POMC: variants seen among roughly 807,000 people sequenced by gnomAD.
POMC encodes pro-opiomelanocortin.
POMC carries 19 observed loss-of-function variants against 18.5 expected under a neutral mutation model. That is an observed-to-expected ratio of 1.03 (90% CI 0.72 to 1.51). The LOEUF is 1.51. Among genes scored for constraint, POMC ranks in the 40% most tolerant of loss-of-function variants. The pLI, the probability that POMC is intolerant of heterozygous loss-of-function variation, is 0.00. For synonymous variants in POMC, 179 were observed against 161.9 expected (o/e 1.11, Z -0.80); for missense variants, 451 against 379.0 (o/e 1.19, Z -1.58).
rs1671340592 is a variant in POMC, at chr2:25,161,201, C to T, written c.684G>A (p.Trp228Ter). The stretch of plus-strand genomic sequence containing the variant: ...AGCGCTTGTCCTTGGGCGGGCTGCC[C>T]CAGCGGAAGTGCTCCATCCTGTAGG... ...EGPYRMEHFRWGSPPKDKRYG... is the reference protein window; with the variant it reads ...EGPYRMEHFR Residue 228 changes from tryptophan (W) to a stop codon, truncating the protein, a stop_gained, in exon 3 of 3, where the codon TGG becomes TGA. Transcript: ENST00000395826. LOFTEE classifies it high-confidence loss of function. The surrounding 1 kb of genome is among the most constrained non-coding windows in gnomAD (Gnocchi z 5.7). 1.2e-6 allele frequency: 2 copies of T among 1,613,592 alleles called. No individual in the cohort carries two copies. The highest frequency in any genetic ancestry group is 1.3e-5 in the African/African-American group (1 of 74,938).
Position 25,161,265 on chromosome 2 carries a change from T to A in POMC, c.620A>T (p.His207Leu). 6.2e-7 allele frequency: 1 copy of A among 1,611,930 alleles called. No homozygotes were observed. The highest frequency in any genetic ancestry group is 8.5e-7 in the Non-Finnish European group (1 of 1,179,120). The change falls in exon 3 of 3, where the codon CAC becomes CTC. Residue 207 changes from histidine (H) to leucine (L), a missense_variant. Transcript: ENST00000395826. This position sits in a 1 kb window ranked among gnomAD's most constrained non-coding sequence, Gnocchi z 5.7. The part of the protein sequence containing the change: ...DGAGAQADLE[H>L]SLLVAAEKKD... Reference sequence around the variant, plus strand: ...CTTCTCGGCCGCCACCAGCAGGCTGTGCTCCAGGTCGGCCTGGGCCCCTGC... The same window carrying A: ...CTTCTCGGCCGCCACCAGCAGGCTGAGCTCCAGGTCGGCCTGGGCCCCTGC...
chr2:25,165,831 A>G (rs1267140279), intron 1 of POMC: 1 of 149,552 alleles, frequency 6.7e-6, no homozygotes, highest in African/African-American at 2.4e-5. Context: ...CCCTGAAGCC[A>G]CCTCGAGGCC....
Position 25,161,164 on chromosome 2 carries a change from T to TGAAACC in POMC, c.715_720dup (p.Gly239_Phe240dup). ...GGCGTCTGGCTCTTCTCGGAGGTCATGAAACCGCCGTAGCGCTTGTCCTTG... is the reference window on the plus strand; with the variant it reads ...GGCGTCTGGCTCTTCTCGGAGGTCATGAAACCGAAACCGCCGTAGCGCTTGTCCTTG... On this transcript the variant is annotated inframe_insertion, in exon 3 of 3. Transcript: ENST00000395826. The surrounding 1 kb of genome is among the most constrained non-coding windows in gnomAD (Gnocchi z 5.7). 6.2e-7 allele frequency: 1 copy of TGAAACC among 1,613,872 alleles called. No homozygotes were observed. Among genetic ancestry groups the TGAAACC allele is most frequent in the Non-Finnish European group, 8.5e-7 (1 of 1,179,976 alleles).
Position 25,161,643 on chromosome 2 carries a change from T to A in POMC, c.242A>T (p.His81Leu). Reference sequence around the variant, plus strand: ...GCGGCCGAATCGGTCCCAGCGGAAGTGGCCCATGACGTACTTCCGGGGGTT... The same window carrying A: ...GCGGCCGAATCGGTCCCAGCGGAAGAGGCCCATGACGTACTTCCGGGGGTT... ...TENPRKYVMGHFRWDRFGRRN... is the reference protein window; with the variant it reads ...TENPRKYVMGLFRWDRFGRRN... The change falls in exon 3 of 3, where the codon CAC becomes CTC. Residue 81 changes from histidine (H) to leucine (L), a missense_variant. Physicochemically the swap from His to Leu is moderately conservative, Grantham distance 99. Transcript: ENST00000395826. This position sits in a 1 kb window ranked among gnomAD's most constrained non-coding sequence, Gnocchi z 5.7. 6.4e-7 allele frequency: 1 copy of A among 1,553,930 alleles called. No homozygotes were observed. Among genetic ancestry groups the A allele is most frequent in the Non-Finnish European group, 8.7e-7 (1 of 1,149,584 alleles).
rs367601110 is a variant in POMC at position 25,163,043 on chromosome 2, C to T, written c.133-1291G>A. Reference sequence around the variant, plus strand: ...TAGCTTAGGAAAATGGCTGCATAGGCTGCAGCCTTGAGTTTTCAGTGATAA... The same window carrying T: ...TAGCTTAGGAAAATGGCTGCATAGGTTGCAGCCTTGAGTTTTCAGTGATAA... On this transcript the variant is annotated intron_variant, in intron 2 of 2. Coordinates refer to ENST00000395826, the MANE Select transcript of POMC (RefSeq NM_000939.4). Among the ~76,000 whole-genome samples, 12 of 152,342 alleles carry T rather than the reference C, an allele frequency of 7.9e-5. No homozygotes were observed. The South Asian group carries it at 2.5e-3, about 32-fold the overall frequency.
At chr2:25,164,539 C>T (rs1671489066) in intron 2 of POMC, 102 bp downstream of exon 2, 1 of 1,566,528 alleles carries the variant, frequency 6.4e-7, no homozygotes. Context: ...ACGCCTATCA[C>T]TGGGAATGAA....
chr2:25,168,278 C>G lies in POMC; in HGVS notation c.-21+220G>C, dbSNP rs2149224349. 6.6e-6 allele frequency among the ~76,000 whole-genome samples: 1 copy of G among 152,322 alleles called. No individual in the cohort carries two copies. Among genetic ancestry groups the G allele is most frequent in the East Asian group, 1.9e-4 (1 of 5,182 alleles). Reference sequence around the variant, plus strand: ...TCCCTGGAGACAGCGCCTGCAGCTTCGCGGCCGTCCGCCCAGGGGCCGGAC... The same window carrying G: ...TCCCTGGAGACAGCGCCTGCAGCTTGGCGGCCGTCCGCCCAGGGGCCGGAC... On this transcript the variant is annotated intron_variant, in intron 1 of 2. Transcript: ENST00000395826. The surrounding 1 kb of genome is among the most constrained non-coding windows in gnomAD (Gnocchi z 5.2).
intron 1 of POMC, among the ~76,000 whole-genome samples, chr2:25,166,846 C>T (rs190303609): frequency 2.0e-3 from 305 of 152,258 alleles, no homozygotes; most frequent in African/African-American, 5.4e-3. Context: ...TGTGTATTTG[C>T]TTATGTGTAT....
In POMC at chr2:25,161,423, C is replaced by T; in HGVS notation, c.462G>A (p.Arg154=). Residue 154 remains arginine, a synonymous_variant, in exon 3 of 3, where the codon CGG becomes CGA. Transcript: ENST00000395826. The surrounding 1 kb of genome is among the most constrained non-coding windows in gnomAD (Gnocchi z 5.7). ...CGTTAGGGTACACCTTCACTGGGCG[C>T]CGCTTCTTGCCCACCGGCTTGCCCC... ...FRWGKPVGKK[R]RPVKVYPNGA... 2 of 1,609,464 alleles carry T rather than the reference C, an allele frequency of 1.2e-6. No homozygotes were observed. Among genetic ancestry groups the T allele is most frequent in the Non-Finnish European group, 1.7e-6 (2 of 1,178,800 alleles).
rs1395733145 is a variant in POMC, at chr2:25,161,559, G to C, written c.326C>G (p.Ala109Gly). Residue 109 changes from alanine to glycine, a missense_variant, in exon 3 of 3, where the codon GCG becomes GGG. Ala to Gly is a moderately conservative substitution (Grantham distance 60). Coordinates refer to ENST00000395826, the MANE Select transcript of POMC (RefSeq NM_000939.4). This position sits in a 1 kb window ranked among gnomAD's most constrained non-coding sequence, Gnocchi z 5.7. Reference sequence around the variant, plus strand: ...AGGCAGCGGGCCGCAGTCTTCGCCCGCTGAGACGTCCTCGCGCTTCTGCCC... The same window carrying C: ...AGGCAGCGGGCCGCAGTCTTCGCCCCCTGAGACGTCCTCGCGCTTCTGCCC... Reference protein sequence around the residue: ...GAGQKREDVSAGEDCGPLPEG... With the variant: ...GAGQKREDVSGGEDCGPLPEG... The C allele has an allele frequency of 1.3e-6, 2 of 1,571,342 alleles. No homozygotes were observed. The highest frequency in any genetic ancestry group is 1.7e-6 in the Non-Finnish European group (2 of 1,158,648).
In POMC at chr2:25,160,933, G is replaced by A; in HGVS notation, c.*148C>T. 1.5e-6 allele frequency: 2 copies of A among 1,294,578 alleles called. No individual in the cohort carries two copies. The highest frequency in any genetic ancestry group is 1.0e-6 in the Non-Finnish European group (1 of 959,556). The allele number at this position is 1,294,578 out of a possible 1,614,324, so 80.2% of individuals were successfully genotyped here. ...TCAGAGGTGGATGTGAAATTTGAAA[G>A]GTTTTATTTCCTAACTACAGGCAGC... On this transcript the variant is annotated 3_prime_UTR_variant, in exon 3 of 3. Coordinates refer to ENST00000395826, the MANE Select transcript of POMC (RefSeq NM_000939.4).
rs1671383722 is a variant in POMC at position 25,161,621 on chromosome 2, G to A, written c.264C>T (p.Gly88=). ...TGCCGCTGCTGCTGCTGTTGCGGCG[G>A]CCGAATCGGTCCCAGCGGAAGTGGC... ...VMGHFRWDRF[G]RRNSSSSGSS... is the part of the protein sequence containing the mutation. Residue 88 remains glycine (G), a synonymous_variant, in exon 3 of 3, where the codon GGC becomes GGT. Transcript: ENST00000395826. The surrounding 1 kb of genome is among the most constrained non-coding windows in gnomAD (Gnocchi z 5.7). The A allele has an allele frequency of 1.3e-6, 2 of 1,553,574 alleles. No homozygotes were observed. The highest frequency in any genetic ancestry group is 2.4e-5 in the East Asian group (1 of 41,116).
chr2:25,162,754 C>T (rs895744156), intron 2 of POMC, among the ~76,000 whole-genome samples: 8 of 152,170 alleles, frequency 5.3e-5, no homozygotes, highest in Non-Finnish European at 7.3e-5. Context: ...ATGCCTCAAC[C>T]TTACCTCAGT....
Position 25,161,067 on chromosome 2 carries a change from G to GC in POMC, c.*13dup. The GC allele has an allele frequency of 6.2e-7, 1 of 1,613,980 alleles. No individual in the cohort carries two copies. The highest frequency in any genetic ancestry group is 8.5e-7 in the Non-Finnish European group (1 of 1,180,010). The stretch of plus-strand genomic sequence containing the variant: ...CCTCCTGGGGGAGGGTAGCCCTGGG[G>GC]CCCCGCTGTGCCCTCACTCGCCCTT... On this transcript the variant is annotated 3_prime_UTR_variant, in exon 3 of 3. Transcript: ENST00000395826. The surrounding 1 kb of genome is among the most constrained non-coding windows in gnomAD (Gnocchi z 5.7).
rs115179296 is a variant in POMC, at chr2:25,163,997, C to A, written c.132+644G>T. 6.1e-3 allele frequency among the ~76,000 whole-genome samples: 924 copies of A among 151,916 alleles called. 3 individuals carry two copies. The highest frequency in any genetic ancestry group is 0.017 in the East Asian group (90 of 5,172). ...CCCCCCAACACACACACACACACAC[C>A]CCCCACAGGCAGATACATACACCCT... On this transcript the variant is annotated intron_variant, in intron 2 of 2. Transcript: ENST00000395826.
intron 1 of POMC, among the ~76,000 whole-genome samples, chr2:25,166,242 G>A (rs1475982683): frequency 6.6e-6 from 1 of 152,208 alleles, no homozygotes; most frequent in Non-Finnish European, 1.5e-5. Flanking sequence ...GGCACTGGCA[G>A]CCAGTGACTG....
At chr2:25,166,686 G>A (rs1430422059) in intron 1 of POMC, among the ~76,000 whole-genome samples, 1 of 152,178 alleles carries the variant, frequency 6.6e-6, no homozygotes, top group Non-Finnish European at 1.5e-5. Flanking sequence ...CCTATGTGCT[G>A]TGTTGTACAA....
rs1238604492 is a variant in POMC at position 25,168,303 on chromosome 2, C to T, written c.-21+195G>A. Among the ~76,000 whole-genome samples, 3 of 152,316 alleles carry T rather than the reference C, an allele frequency of 2.0e-5. No individual in the cohort carries two copies. Among genetic ancestry groups the T allele is most frequent in the Non-Finnish European group, 4.4e-5 (3 of 68,018 alleles). ...CGCGGCCGTCCGCCCAGGGGCCGGA[C>T]GTGGGCCCTCCAGCTCAGCTACTGG... On this transcript the variant is annotated intron_variant, in intron 1 of 2. Transcript: ENST00000395826. This position sits in a 1 kb window ranked among gnomAD's most constrained non-coding sequence, Gnocchi z 5.2.
At chr2:25,163,072 G>A (rs1671445979) in intron 2 of POMC, among the ~76,000 whole-genome samples, 1 of 152,214 alleles carries the variant, frequency 6.6e-6, no homozygotes, top group Non-Finnish European at 1.5e-5. Flanking sequence ...GTGATAAAAA[G>A]ATGAAAAGCT....
Sources: allele counts gnomAD v4.1 joint callset (sites outside exome capture counted in the v4.1 genomes callset), GRCh38; gene constraint gnomAD v4.1.1; non-coding constraint Gnocchi (gnomAD v3.1); transcripts MANE v1.5; gene names NCBI Gene and HGNC (gene_info 2026-07-23, HGNC 2026-07-21).